EBF1: variants seen among roughly 807,000 people sequenced by gnomAD.
EBF1 encodes the protein transcription factor COE1.
Under a neutral mutation model 68.4 loss-of-function variants are expected in EBF1, and 10 were observed. That is an observed-to-expected ratio of 0.15 (90% confidence interval 0.09 to 0.25). The LOEUF (loss-of-function observed/expected upper bound fraction) is 0.25, where lower values mean the gene tolerates loss of function less well. Among genes scored for constraint, EBF1 ranks in the 10% least tolerant of loss-of-function variants. The pLI, the probability that EBF1 is intolerant of heterozygous loss-of-function variation, is 1.00. For missense variants in EBF1, 509 were observed against 794.4 expected (o/e 0.64, Z 4.32); for synonymous variants, 298 against 299.8 (o/e 0.99, Z 0.06).
chr5:159,070,457 A>C (rs900441529), intron 6 of EBF1, among the ~76,000 whole-genome samples: 2 of 152,186 alleles, frequency 1.3e-5, no homozygotes, highest in East Asian at 1.9e-4. Flanking sequence ...TTTTGATAGA[A>C]TATGCCAGGC....
chr5:158,756,975 C>T lies in EBF1; in HGVS notation c.1036+20438G>A, dbSNP rs535959130. On this transcript the variant is annotated intron_variant, in intron 10 of 15. Transcript: ENST00000313708. ...AATAACATGACTTCTCACCCTCATG[C>T]TGAAAAAAAAAAAAAAAAGAAAAAG... Among the ~76,000 whole-genome samples, 440 of 142,090 alleles carry T rather than the reference C, an allele frequency of 3.1e-3. 1 individual carries two copies. Among genetic ancestry groups the T allele is most frequent in the Non-Finnish European group, 4.5e-3 (293 of 65,386 alleles). 93.2% of individuals were successfully genotyped at this position (142,090 alleles called of 152,430 possible).
chr5:158,713,242 A>G, intron 12 of EBF1, 95 bp from the exon 13 acceptor site: 3 of 1,118,276 alleles, frequency 2.7e-6, no homozygotes, highest in Non-Finnish European at 3.5e-6. Flanking sequence ...CAGGGTTTTC[A>G]ATGGTCAGCT....
At position 158,840,060 on chromosome 5, in the gene EBF1, G is replaced by T; in HGVS notation, c.605C>A (p.Ala202Glu). Residue 202 changes from alanine to glutamate, a missense_variant, in exon 7 of 16, where the codon GCG (alanine) becomes GAG (glutamate). By Grantham distance (107) the Ala-to-Glu change is moderately radical (BLOSUM62 -1). Around this residue, in one of 3 missense-constraint regions of EBF1, gnomAD observed 230 missense variants for 467.7 expected, o/e 0.49. Transcript: ENST00000313708. ...LKCNQNCLKNAGNPRDMRRFQ... is the reference protein window; with the variant it reads ...LKCNQNCLKNEGNPRDMRRFQ... ...TCTCCGCATGTCACGTGGGTTTCCC[G>T]CATTCTTTAGGCAATTTTGGTTACA... is the stretch of plus-strand genomic sequence containing the variant. The T allele has an allele frequency of 6.2e-7, 1 of 1,613,956 alleles. No homozygotes were observed. Among genetic ancestry groups the T allele is most frequent in the Non-Finnish European group, 8.5e-7 (1 of 1,179,920 alleles).
intron 14 of EBF1, among the ~76,000 whole-genome samples, chr5:158,711,048 G>A (rs990642340): frequency 6.6e-6 from 1 of 152,128 alleles, no homozygotes; most frequent in Non-Finnish European, 1.5e-5. Context: ...TGTTTTTGTA[G>A]GCAAACTTCT....
intron 3 of EBF1, 57 bp downstream of exon 3, chr5:159,096,286 C>A: frequency 6.4e-7 from 1 of 1,558,746 alleles, no homozygotes; most frequent in Non-Finnish European, 8.8e-7. Flanking sequence ...GCTCCCTGCG[C>A]CCCCTGCCCA....
intron 10 of EBF1, among the ~76,000 whole-genome samples, chr5:158,773,777 G>C (rs1023097347): frequency 1.3e-5 from 2 of 152,068 alleles, no homozygotes; most frequent in African/African-American, 4.8e-5. Flanking sequence ...GGCTACTTAG[G>C]GATTAGCAGG....
chr5:159,057,685 C>T (rs1299394641), intron 6 of EBF1, among the ~76,000 whole-genome samples: 1 of 152,178 alleles, frequency 6.6e-6, no homozygotes, highest in Non-Finnish European at 1.5e-5. Context: ...CATTGCTGTG[C>T]TTCTCTTGGC....
At chr5:158,934,421 T>C (rs1811544864) in intron 6 of EBF1, among the ~76,000 whole-genome samples, 1 of 152,192 alleles carries the variant, frequency 6.6e-6, no homozygotes, top group South Asian at 2.1e-4. Context: ...TCTGTAGAGA[T>C]ATGAGGGGAG....
intron 10 of EBF1, 71 bp downstream of exon 10, chr5:158,777,342 C>A: frequency 2.1e-6 from 3 of 1,424,928 alleles, no homozygotes; most frequent in Admixed American, 4.8e-5. Flanking sequence ...TGCTTTTATA[C>A]AGACAAGATA....
intron 8 of EBF1, among the ~76,000 whole-genome samples, chr5:158,822,083 A>G (rs1784956635): frequency 1.3e-5 from 2 of 152,164 alleles, no homozygotes; most frequent in African/African-American, 2.4e-5. Context: ...GGCCCATGGA[A>G]AAAAGCAGGC....
At chr5:158,882,350 G>A (rs1270862344) in intron 6 of EBF1, among the ~76,000 whole-genome samples, 1 of 152,210 alleles carries the variant, frequency 6.6e-6, no homozygotes, top group African/African-American at 2.4e-5. Context: ...GCATGCGAAT[G>A]TCATGCTCAT....
chr5:159,016,516 T>G (rs570411522), intron 6 of EBF1, among the ~76,000 whole-genome samples: 36 of 152,150 alleles, frequency 2.4e-4, no homozygotes, highest in Non-Finnish European at 3.8e-4. Flanking sequence ...ATAGGAAATT[T>G]TAGGTGCTTG....
chr5:158,987,462 C>T (rs1759327458), intron 6 of EBF1, among the ~76,000 whole-genome samples: 1 of 152,158 alleles, frequency 6.6e-6, no homozygotes, highest in Admixed American at 6.5e-5. Context: ...CCTTTTAATA[C>T]CCATTATTTC....
intron 6 of EBF1, among the ~76,000 whole-genome samples, chr5:159,035,605 A>G (rs1007249114): frequency 3.3e-4 from 50 of 152,212 alleles, no homozygotes; most frequent in African/African-American, 1.1e-3. Context: ...TGTACAATTC[A>G]TCCAACCTCG....
chr5:158,925,882 A>G lies in EBF1; in HGVS notation c.555-85772T>C, dbSNP rs1809593182. 2.0e-5 allele frequency among the ~76,000 whole-genome samples: 3 copies of G among 152,354 alleles called. No homozygotes were observed. In the South Asian group the frequency reaches 6.2e-4, roughly 32 times the overall value. The stretch of plus-strand genomic sequence containing the variant: ...AAGGTCATGCTCTTGGAAGAGAATC[A>G]GTGTGCTAATACATAAGAACAGAAA... On this transcript the variant is annotated intron_variant, in intron 6 of 15. Transcript: ENST00000313708.
intron 6 of EBF1, among the ~76,000 whole-genome samples, chr5:159,007,049 G>T (rs1763709080): frequency 6.6e-6 from 1 of 152,246 alleles, no homozygotes; most frequent in African/African-American, 2.4e-5. Flanking sequence ...GCCATTTTTT[G>T]ATTGGAATCT....
intron 6 of EBF1, among the ~76,000 whole-genome samples, chr5:158,873,752 A>C (rs911513864): frequency 5.3e-5 from 8 of 152,358 alleles, no homozygotes; most frequent in Middle Eastern, 6.8e-3. Context: ...CTTTGGCCTC[A>C]TCAGGAAAAC....
chr5:158,702,743 C>CAAAAAAAAA (rs58496050), intron 15 of EBF1, among the ~76,000 whole-genome samples: 4 of 41,616 alleles, frequency 9.6e-5, no homozygotes, highest in Non-Finnish European at 1.2e-4. Flanking sequence ...GACTCCTTCT[C>CAAAAAAAAA]AAAAAAAAAA....
At chr5:158,822,818 G>A (rs186047264) in intron 8 of EBF1, among the ~76,000 whole-genome samples, 24 of 152,310 alleles carry the variant, frequency 1.6e-4, no homozygotes, top group African/African-American at 4.8e-4. Flanking sequence ...ATACCAAATT[G>A]TGTGGCCTTT....
Sources: allele counts gnomAD v4.1 joint callset (sites outside exome capture counted in the v4.1 genomes callset), GRCh38; gene constraint gnomAD v4.1.1; regional missense constraint gnomAD v4.1.1; transcripts MANE v1.5; gene names NCBI Gene and HGNC (gene_info 2026-07-23, HGNC 2026-07-21).